Variants in KRT20 observed in about 807,000 individuals in gnomAD.
KRT20 encodes the protein keratin, type I cytoskeletal 20.
Under a neutral mutation model 43.0 loss-of-function variants are expected in KRT20, and 41 were observed. That is an observed-to-expected ratio of 0.95 (90% confidence interval 0.74 to 1.24). The LOEUF is 1.24. Ranked by LOEUF, KRT20 falls within the 50% of genes most tolerant of loss-of-function variation. KRT20 has a pLI of 0.00. For missense variants in KRT20, 533 were observed against 521.2 expected (o/e 1.02, Z -0.22); for synonymous variants, 207 against 200.6 (o/e 1.03, Z -0.27).
In KRT20 at chr17:40,881,879, C is replaced by CTTTT. The variant is rs112248312; in HGVS notation, c.473+689_473+692dup. Among the ~76,000 whole-genome samples, 1,222 of 146,202 alleles carry CTTTT rather than the reference C, an allele frequency of 8.4e-3. 20 individuals carry two copies. Among genetic ancestry groups the CTTTT allele is most frequent in the African/African-American group, 0.027 (1,071 of 39,794 alleles). On this transcript the variant is annotated intron_variant, in intron 2 of 7. Coordinates refer to ENST00000167588, the MANE Select transcript of KRT20 (RefSeq NM_019010.3). ...TTCTTTTTCTTTTCTTTCTTTCTTC[C>CTTTT]TTTTTTTTTTTGAGACAAGGTCTCA... is the stretch of plus-strand genomic sequence containing the variant.
At chr17:40,883,365 T>C (rs1225672811) in intron 1 of KRT20, among the ~76,000 whole-genome samples, 1 of 152,180 alleles carries the variant, frequency 6.6e-6, no homozygotes, top group Non-Finnish European at 1.5e-5. Context: ...CATTGCTTCA[T>C]AGGAGCCTTC....
rs775288357 is a variant in KRT20 at position 40,878,310 on chromosome 17, A to C, written c.974T>G (p.Leu325Ter). 3.7e-6 allele frequency: 6 copies of C among 1,614,180 alleles called. No homozygotes were observed. The highest frequency in any genetic ancestry group is 5.1e-6 in the Non-Finnish European group (6 of 1,180,040). The change falls in exon 6 of 8, where the codon TTA becomes TGA. Residue 325 changes from leucine to a stop codon, truncating the protein, a stop_gained. Coordinates refer to ENST00000167588, the MANE Select transcript of KRT20 (RefSeq NM_019010.3). LOFTEE classifies it high-confidence loss of function. ...GCTCAACAGCGACTGGAGGTTGGCT[A>C]ACTGGCTGCTGTAACGGGCCTTGGT... ...EETKARYSSQ[L>*]ANLQSLLSSL... is the part of the protein sequence containing the mutation.
In KRT20 at chr17:40,879,865, A is replaced by G; in HGVS notation, c.866T>C (p.Leu289Pro). The change falls in exon 5 of 8, where the codon CTG (leucine) becomes CCG (proline). Residue 289 changes from leucine (L) to proline (P), a missense_variant. Physicochemically the swap from Leu to Pro is moderately conservative, Grantham distance 98. Transcript: ENST00000167588. Reference sequence around the variant, plus strand: ...CTCAAGGCTCTGGGAGGTGCGTCTCAGCTCCGTTAGTTGAACCTCAGTTCC... The same window carrying G: ...CTCAAGGCTCTGGGAGGTGCGTCTCGGCTCCGTTAGTTGAACCTCAGTTCC... ...LKGTEVQLTELRRTSQSLEIE... is the reference protein window; with the variant it reads ...LKGTEVQLTEPRRTSQSLEIE... The G allele has an allele frequency of 6.2e-7, 1 of 1,613,380 alleles. No individual in the cohort carries two copies. Among genetic ancestry groups the G allele is most frequent in the Non-Finnish European group, 8.5e-7 (1 of 1,179,932 alleles).
At chr17:40,882,689 T>TTTTATGTA (rs1907651852) in intron 1 of KRT20, 35 bp from the exon 2 acceptor site, 1 of 528,420 alleles carries the variant, frequency 1.9e-6, no homozygotes, top group African/African-American at 2.3e-5. Context: ...ACATTTTCTT[T>TTTTATGTA]TTTATTTATT....
intron 5 of KRT20, among the ~76,000 whole-genome samples, chr17:40,878,840 C>T (rs574193428): frequency 9.4e-5 from 14 of 149,136 alleles, no homozygotes; most frequent in East Asian, 2.0e-4. Flanking sequence ...CTTGCTCTGT[C>T]GCCCAGGCTG....
chr17:40,876,495 A>G (rs767031768), intron 7 of KRT20, 37 bp from the exon 8 acceptor site: 2 of 1,181,478 alleles, frequency 1.7e-6, no homozygotes, highest in Non-Finnish European at 2.5e-6. Flanking sequence ...TAATTCAGGC[A>G]CATGACTCTG....
At chr17:40,881,223 C>T (rs1040495140) in intron 2 of KRT20, among the ~76,000 whole-genome samples, 1 of 123,820 alleles carries the variant, frequency 8.1e-6, no homozygotes, top group African/African-American at 3.5e-5. Context: ...ATCTTACATA[C>T]ACACTGTGTG....
intron 1 of KRT20, 76 bp from the exon 2 acceptor site, chr17:40,882,730 G>A (rs901960946): frequency 2.4e-6 from 1 of 410,118 alleles, no homozygotes; most frequent in African/African-American, 3.6e-5. Flanking sequence ...TATTTATTGA[G>A]ACAGAATCTT....
intron 1 of KRT20, among the ~76,000 whole-genome samples, chr17:40,883,252 C>A (rs746120550): frequency 6.6e-6 from 1 of 152,178 alleles, no homozygotes; most frequent in Admixed American, 6.5e-5. Context: ...AGTCATCACA[C>A]CTTATTGAGT....
chr17:40,876,589 T>C (rs1907355364), intron 7 of KRT20, 131 bp from the exon 8 acceptor site: 1 of 482,008 alleles, frequency 2.1e-6, no homozygotes, highest in African/African-American at 2.0e-5. Context: ...CCATCCTCTT[T>C]CTCAAAAAAT....
Position 40,885,192 on chromosome 17 carries a change from T to C in KRT20, c.-7A>G. ...TTCTGCGACTGAAATCCATTGGAGA[T>C]TCCAGGAGGGAGCACCTGTAGCTTC... On this transcript the variant is annotated 5_prime_UTR_variant, in exon 1 of 8. Coordinates refer to ENST00000167588, the MANE Select transcript of KRT20 (RefSeq NM_019010.3). 1 of 1,588,718 alleles carries C rather than the reference T, an allele frequency of 6.3e-7. No individual in the cohort carries two copies. The highest frequency in any genetic ancestry group is 1.3e-5 in the African/African-American group (1 of 74,428).
intron 5 of KRT20, 66 bp from the exon 6 acceptor site, chr17:40,878,431 T>A: frequency 8.3e-7 from 1 of 1,198,776 alleles, no homozygotes; most frequent in South Asian, 1.3e-5. Context: ...GGGTTAATTT[T>A]AATTTCCTTT....
At position 40,881,799 on chromosome 17, in the gene KRT20, A is replaced by C. The variant is rs190934183; in HGVS notation, c.473+773T>G. Among the ~76,000 whole-genome samples, 248 of 152,294 alleles carry C rather than the reference A, an allele frequency of 1.6e-3. 1 individual carries two copies. The highest frequency in any genetic ancestry group is 5.8e-3 in the African/African-American group (240 of 41,554). ...AGTGTGGAAGCTGTTTGCAAGGAAC[A>C]GGTCTGGTCACATGTGGTGTGATGA... On this transcript the variant is annotated intron_variant, in intron 2 of 7. Coordinates refer to ENST00000167588, the MANE Select transcript of KRT20 (RefSeq NM_019010.3).
chr17:40,878,270 T>A lies in KRT20; in HGVS notation c.1014A>T (p.Gln338His). 1 of 1,614,154 alleles carries A rather than the reference T, an allele frequency of 6.2e-7. No homozygotes were observed. Among genetic ancestry groups the A allele is most frequent in the Non-Finnish European group, 8.5e-7 (1 of 1,180,012 alleles). ...LQSLLSSLEAQLMQIRSNMER... is the reference protein window; with the variant it reads ...LQSLLSSLEAHLMQIRSNMER... ...CCATGTTACTCCGAATCTGCATCAG[T>A]TGGGCCTCCAGAGAGCTCAACAGCG... Residue 338 changes from glutamine to histidine, a missense_variant, in exon 6 of 8, where the codon CAA (glutamine) becomes CAT (histidine). Coordinates refer to ENST00000167588, the MANE Select transcript of KRT20 (RefSeq NM_019010.3).
intron 6 of KRT20, 65 bp from the exon 7 acceptor site, chr17:40,877,482 A>T (rs1456999785): frequency 1.5e-5 from 14 of 953,682 alleles, no homozygotes; most frequent in Non-Finnish European, 2.2e-5. Context: ...CTGTTTTGAA[A>T]ATGGAATGCA....
At position 40,882,634 on chromosome 17, in the gene KRT20, T is replaced by G; in HGVS notation, c.411A>C (p.Gln137His). 1 of 1,549,758 alleles carries G rather than the reference T, an allele frequency of 6.5e-7. No individual in the cohort carries two copies. The highest frequency in any genetic ancestry group is 8.7e-7 in the Non-Finnish European group (1 of 1,144,636). The part of the protein sequence containing the change: ...LRSQIKDAQL[Q>H]NARCVLQIDN... ...CAATTTGCAGGACACACCGAGCATT[T>G]TGCAGTTGAGCATCCTTAATCTGGA... Residue 137 changes from glutamine (Q) to histidine (H), a missense_variant, in exon 2 of 8, where the codon CAA (glutamine) becomes CAC (histidine). Coordinates refer to ENST00000167588, the MANE Select transcript of KRT20 (RefSeq NM_019010.3).
rs774864008 is a variant in KRT20, at chr17:40,877,403, T to A, written c.1154A>T (p.Gln385Leu). 3.9e-6 allele frequency: 6 copies of A among 1,519,156 alleles called. No homozygotes were observed. The highest frequency in any genetic ancestry group is 5.2e-6 in the Non-Finnish European group (6 of 1,143,334). 94.1% of individuals were successfully genotyped at this position (1,519,156 alleles called of 1,614,324 possible). The change falls in exon 7 of 8, where the codon CAG becomes CTG. Residue 385 changes from glutamine (Q) to leucine (L), a missense_variant. By Grantham distance (113) the Gln-to-Leu change is moderately radical (BLOSUM62 -2). Coordinates refer to ENST00000167588, the MANE Select transcript of KRT20 (RefSeq NM_019010.3). ...ACCTCTCTCTTCCAGGGTGCTTAAC[T>A]GATATTCTGTAGTTCTGTTTTTTTT... ...EGEDVKTTEY[Q>L]LSTLEERDIK...
At chr17:40,877,972 G>A (rs1907417180) in intron 6 of KRT20, among the ~76,000 whole-genome samples, 173 bp downstream of exon 6, 4 of 151,998 alleles carry the variant, frequency 2.6e-5, no homozygotes, top group Admixed American at 2.6e-4. Context: ...GATATTTTGG[G>A]CGTGTGTGTA....
At chr17:40,882,260 T>G (rs570308251) in intron 2 of KRT20, among the ~76,000 whole-genome samples, 1 of 152,328 alleles carries the variant, frequency 6.6e-6, no homozygotes, top group Admixed American at 6.5e-5. Flanking sequence ...AATTACTTTG[T>G]TATTACTCCA....
Sources: gnomAD v4.1 joint callset for allele counts (sites outside exome capture counted in the v4.1 genomes callset) on GRCh38, gnomAD v4.1.1 for gene constraint, MANE v1.5 for transcripts, NCBI Gene and HGNC (gene_info 2026-07-23, HGNC 2026-07-21) for gene names.